LRP2: variants seen among roughly 807,000 people sequenced by gnomAD.
LRP2 encodes LDL receptor related protein 2, also known as low-density lipoprotein receptor-related protein 2.
In LRP2, 172 loss-of-function variants were observed where a neutral mutation model predicts 531.0. The observed-to-expected ratio is 0.32, with a 90% CI of 0.29 to 0.37. The LOEUF (loss-of-function observed/expected upper bound fraction) is 0.37, where lower values mean the gene tolerates loss of function less well. LRP2 is among the 10% of genes least tolerant of loss of function. The probability of loss-of-function intolerance (pLI) is 1.00; values close to 1 mark genes in which losing one functional copy is unlikely to be tolerated. For missense variants in LRP2, 5,167 were observed against 5,868.3 expected (o/e 0.88, Z 3.90); for synonymous variants, 1,992 against 2,027.6 (o/e 0.98, Z 0.47).
At chr2:169,153,247 C>A (rs2105357218) in intron 66 of LRP2, among the ~76,000 whole-genome samples, 1 of 152,278 alleles carries the variant, frequency 6.6e-6, no homozygotes, top group South Asian at 2.1e-4. Context: ...TGCTTATTTA[C>A]TCTTATTAGG....
Position 169,175,324 on chromosome 2 carries a change from G to A in LRP2, c.10637C>T (p.Ala3546Val), listed in dbSNP as rs767748572. The change falls in exon 55 of 79, where the codon GCC becomes GTC. Residue 3546 changes from alanine to valine, a missense_variant. This residue lies in a region of LRP2 where 311 missense variants were observed against 309.4 expected (regional missense o/e 1.01). Transcript: ENST00000649046. Reference sequence around the variant, plus strand: ...TCGGCAGAAGCGCTGCGGGCAAAGGGCCAGTTCATCAGAGCCATCTGAGCA... The same window carrying A: ...TCGGCAGAAGCGCTGCGGGCAAAGGACCAGTTCATCAGAGCCATCTGAGCA... ...KDCSDGSDEL[A>V]LCPQRFCRLG... The A allele has an allele frequency of 6.2e-7, 1 of 1,614,148 alleles. No homozygotes were observed. Among genetic ancestry groups the A allele is most frequent in the Non-Finnish European group, 8.5e-7 (1 of 1,180,010 alleles).
rs1166878796 is a variant in LRP2, at chr2:169,246,828, T to C, written c.3067A>G (p.Thr1023Ala). Residue 1023 changes from threonine (T) to alanine (A), a missense_variant, in exon 21 of 79, where the codon ACA (threonine) becomes GCA (alanine). Around this residue, in one of 6 missense-constraint regions of LRP2, gnomAD observed 2,811 missense variants for 3,058.0 expected, o/e 0.92. Transcript: ENST00000649046. Reference sequence around the variant, plus strand: ...AAGGAAAATAAGCCACACTGCTCTGTGGGTGGTTCATTGGTTGGGTCCCCC... The same window carrying C: ...AAGGAAAATAAGCCACACTGCTCTGCGGGTGGTTCATTGGTTGGGTCCCCC... ...CEGDPTNEPP[T>A]EQCGLFSFPC... The C allele has an allele frequency of 1.2e-6, 2 of 1,614,136 alleles. No homozygotes were observed. The highest frequency in any genetic ancestry group is 2.2e-5 in the East Asian group (1 of 44,870).
chr2:169,180,072 A>G (rs924147337), intron 52 of LRP2, among the ~76,000 whole-genome samples: 4 of 152,148 alleles, frequency 2.6e-5, no homozygotes, highest in Non-Finnish European at 4.4e-5. Flanking sequence ...TCCTTTTTTC[A>G]TCTCTAATGC....
intron 3 of LRP2, among the ~76,000 whole-genome samples, chr2:169,308,813 G>T (rs551548901): frequency 6.6e-6 from 1 of 152,284 alleles, no homozygotes; most frequent in Non-Finnish European, 1.5e-5. Flanking sequence ...CTTCCACAAT[G>T]GTTGAACTAG....
In LRP2 at chr2:169,228,015, A is replaced by G. The variant is rs186475889; in HGVS notation, c.5228-1427T>C. The stretch of plus-strand genomic sequence containing the variant: ...ATTGCCTCTCTTCTGAACAACTGCA[A>G]TTGCAATAAAAATCGCTTCTCATTG... On this transcript the variant is annotated intron_variant, in intron 31 of 78. Coordinates refer to ENST00000649046, the MANE Select transcript of LRP2 (RefSeq NM_004525.3). 2.0e-5 allele frequency among the ~76,000 whole-genome samples: 3 copies of G among 152,286 alleles called. No individual in the cohort carries two copies. In the East Asian group the frequency reaches 5.8e-4, roughly 29 times the overall value.
chr2:169,147,038 A>G (rs1685940110), intron 68 of LRP2, 79 bp from the exon 69 acceptor site: 9 of 1,095,958 alleles, frequency 8.2e-6, no homozygotes, highest in Non-Finnish European at 1.2e-5. Flanking sequence ...GGCATTACCT[A>G]CAGGGAAACC....
chr2:169,293,972 G>C (rs575166949), intron 6 of LRP2, among the ~76,000 whole-genome samples, 176 bp downstream of exon 6: 2 of 151,998 alleles, frequency 1.3e-5, no homozygotes, highest in Non-Finnish European at 1.5e-5. Flanking sequence ...ACACCACAAA[G>C]GCTTGTGCCA....
chr2:169,344,343 C>A (rs1231280055), intron 1 of LRP2, among the ~76,000 whole-genome samples: 3 of 151,098 alleles, frequency 2.0e-5, no homozygotes, highest in Non-Finnish European at 4.4e-5. Flanking sequence ...TTGTTCAACT[C>A]CCACTTATGA....
At chr2:169,144,710 C>T (rs1290257307) in intron 70 of LRP2, among the ~76,000 whole-genome samples, 1 of 152,150 alleles carries the variant, frequency 6.6e-6, no homozygotes, top group African/African-American at 2.4e-5. Flanking sequence ...CATTTGCCAC[C>T]CCTGTCATCT....
At chr2:169,280,239 G>T in intron 11 of LRP2, 111 bp downstream of exon 11, 1 of 1,139,642 alleles carries the variant, frequency 8.8e-7, no homozygotes, top group Non-Finnish European at 1.3e-6. Context: ...TATCTCAAGG[G>T]CCTTTTTTGT....
rs752090212 is a variant in LRP2, at chr2:169,257,263, T to C, written c.2514-14A>G. 3.7e-6 allele frequency: 6 copies of C among 1,611,666 alleles called. No homozygotes were observed. The South Asian group carries it at 5.5e-5, about 15-fold the overall frequency. Reference sequence around the variant, plus strand: ...AAGAATAGATACCTAGAAAAAGCAGTAGTAAATTAAGGCTGTTAACACTGG... The same window carrying C: ...AAGAATAGATACCTAGAAAAAGCAGCAGTAAATTAAGGCTGTTAACACTGG... On this transcript the variant is annotated splice_polypyrimidine_tract_variant and intron_variant, in intron 17 of 78. Coordinates refer to ENST00000649046, the MANE Select transcript of LRP2 (RefSeq NM_004525.3).
Position 169,247,385 on chromosome 2 carries a change from G to T in LRP2, c.2901C>A (p.Ile967=). The change falls in exon 20 of 79, where the codon ATC becomes ATA. Residue 967 remains isoleucine (I), a synonymous_variant. Coordinates refer to ENST00000649046, the MANE Select transcript of LRP2 (RefSeq NM_004525.3). Reference sequence around the variant, plus strand: ...CTGGGCAATCTCACTCACCAGTCTGGATGTTGACATCATACGATTTCAAAT... The same window carrying T: ...CTGGGCAATCTCACTCACCAGTCTGTATGTTGACATCATACGATTTCAAAT... ...ILHLKSYDVN[I]QTGSNACNQP... is the part of the protein sequence containing the mutation. 1 of 1,614,104 alleles carries T rather than the reference G, an allele frequency of 6.2e-7. No individual in the cohort carries two copies. Among genetic ancestry groups the T allele is most frequent in the South Asian group, 1.1e-5 (1 of 91,076 alleles).
rs73970129 is a variant in LRP2 at position 169,140,520 on chromosome 2, G to T, written c.13134C>A (p.Pro4378=). 3 of 1,613,938 alleles carry T rather than the reference G, an allele frequency of 1.9e-6. No homozygotes were observed. The highest frequency in any genetic ancestry group is 2.5e-6 in the Non-Finnish European group (3 of 1,179,886). The change falls in exon 72 of 79, where the codon CCC becomes CCA. Residue 4378 remains proline (P), a synonymous_variant. Coordinates refer to ENST00000649046, the MANE Select transcript of LRP2 (RefSeq NM_004525.3). ...CTCCGTGCATGCACCTGCATGGGGG[G>T]GGCAGGTTGATAGGCAGTTCGATGG... ...DAAIELPINL[P]PPCRCMHGGN...
At chr2:169,167,979 A>T (rs1374973634) in intron 61 of LRP2, among the ~76,000 whole-genome samples, 1 of 145,042 alleles carries the variant, frequency 6.9e-6, no homozygotes, top group African/African-American at 2.5e-5. Context: ...TGCTACTGAC[A>T]TGTACCTGAA....
In LRP2 at chr2:169,139,526, A is replaced by C; in HGVS notation, c.13267+17T>G. ...GCCATGAGTAATTTCCAAGTTGCTCACATTCTTAAAACTTACTTGTTCCTG... is the reference window on the plus strand; with the variant it reads ...GCCATGAGTAATTTCCAAGTTGCTCCCATTCTTAAAACTTACTTGTTCCTG... On this transcript the variant is annotated intron_variant, in intron 73 of 78. Transcript: ENST00000649046. 1 of 1,614,068 alleles carries C rather than the reference A, an allele frequency of 6.2e-7. No individual in the cohort carries two copies. Among genetic ancestry groups the C allele is most frequent in the Non-Finnish European group, 8.5e-7 (1 of 1,179,884 alleles).
At chr2:169,261,533 AAAG>A (rs780019183) in intron 16 of LRP2, among the ~76,000 whole-genome samples, 2 of 151,834 alleles carry the variant, frequency 1.3e-5, no homozygotes, top group Admixed American at 1.3e-4. Flanking sequence ...AAAAAAAAAA[AAAG>A]AACAATGTAA....
At chr2:169,178,223 G>C (rs989543855) in intron 52 of LRP2, among the ~76,000 whole-genome samples, 197 bp from the exon 53 acceptor site, 1 of 152,142 alleles carries the variant, frequency 6.6e-6, no homozygotes, top group Non-Finnish European at 1.5e-5. Context: ...AAAAGATGTA[G>C]AAGTGAAAAA....
At chr2:169,151,047 T>G (rs746807996) in intron 67 of LRP2, 21 bp from the exon 68 acceptor site, 3 of 1,613,650 alleles carry the variant, frequency 1.9e-6, no homozygotes, top group Non-Finnish European at 2.5e-6. Context: ...AGGGACAAAG[T>G]TAAACAACTG....
chr2:169,212,551 A>G (rs1688631535), intron 36 of LRP2, among the ~76,000 whole-genome samples: 1 of 152,182 alleles, frequency 6.6e-6, no homozygotes, highest in Non-Finnish European at 1.5e-5. Flanking sequence ...TACATGATCA[A>G]TAATGTGATT....
Sources: allele counts gnomAD v4.1 joint callset (sites outside exome capture counted in the v4.1 genomes callset), GRCh38; gene constraint gnomAD v4.1.1; regional missense constraint gnomAD v4.1.1; transcripts MANE v1.5; gene names NCBI Gene and HGNC (gene_info 2026-07-23, HGNC 2026-07-21).